The following CUL4A variants were observed in gnomAD, a reference collection of about 807,000 sequenced individuals.
CUL4A encodes cullin-4A.
A neutral mutation model predicts 95.5 loss-of-function variants in CUL4A; 16 were observed. The ratio of observed to expected loss-of-function variants is 0.17; its 90% confidence interval spans 0.11 to 0.25. The LOEUF (loss-of-function observed/expected upper bound fraction) is 0.25, where lower values mean the gene tolerates loss of function less well. Among genes scored for constraint, CUL4A ranks in the 10% least tolerant of loss-of-function variants. CUL4A has a pLI of 1.00. For synonymous variants in CUL4A, 380 were observed against 353.1 expected (o/e 1.08, Z -0.85); for missense variants, 610 against 937.0 (o/e 0.65, Z 4.56).
rs1453392871 is a variant in CUL4A, at chr13:113,265,795, A to G, written c.*2213A>G. 6.6e-6 allele frequency: 1 copy of G among 152,248 alleles called. No individual in the cohort carries two copies. The highest frequency in any genetic ancestry group is 1.5e-5 in the Non-Finnish European group (1 of 68,044). The allele number at this position is 152,248 out of a possible 1,614,324, so 9.4% of individuals were successfully genotyped here. On this transcript the variant is annotated 3_prime_UTR_variant, in exon 20 of 20. Coordinates refer to ENST00000375440, the MANE Select transcript of CUL4A (RefSeq NM_001008895.4). ...AGGTCAGTGTGGTAAAACAAATAGT[A>G]TAGAAGAAATCATTGAAAAAGAAAC...
In CUL4A at chr13:113,243,155, T is replaced by G; in HGVS notation, c.1223T>G (p.Leu408Arg). Reference sequence around the variant, plus strand: ...AAGAGACCCAACAAGCCTGCAGAACTGATCGGTAGAAAAATATTTGTTTTT... The same window carrying G: ...AAGAGACCCAACAAGCCTGCAGAACGGATCGGTAGAAAAATATTTGTTTTT... ...INKRPNKPAE[L>R]IAKHVDSKLR... Residue 408 changes from leucine (L) to arginine (R), a missense_variant, in exon 11 of 20, where the codon CTG (leucine) becomes CGG (arginine). Transcript: ENST00000375440. 1 of 1,588,864 alleles carries G rather than the reference T, an allele frequency of 6.3e-7. No homozygotes were observed. The highest frequency in any genetic ancestry group is 8.6e-7 in the Non-Finnish European group (1 of 1,161,928).
At chr13:113,216,498 C>A (rs756862038) in intron 2 of CUL4A, among the ~76,000 whole-genome samples, 1 of 152,188 alleles carries the variant, frequency 6.6e-6, no homozygotes, top group Non-Finnish European at 1.5e-5. Flanking sequence ...GCTGTTGATA[C>A]AAGGAAAGCA....
intron 2 of CUL4A, among the ~76,000 whole-genome samples, chr13:113,218,501 C>T (rs996988419): frequency 6.6e-6 from 1 of 152,128 alleles, no homozygotes. Context: ...GGTTCTCTAG[C>T]CCTGATTTCA....
intron 3 of CUL4A, among the ~76,000 whole-genome samples, chr13:113,222,518 G>A (rs1409881890): frequency 3.3e-5 from 5 of 152,130 alleles, no homozygotes; most frequent in Middle Eastern, 3.4e-3. Flanking sequence ...AGGGTCTGTC[G>A]TGGTCATGTT....
At position 113,264,136 on chromosome 13, in the gene CUL4A, G is replaced by GT. The variant is rs1233895246; in HGVS notation, c.*555dup. The GT allele has an allele frequency of 6.6e-6, 1 of 152,188 alleles. No homozygotes were observed. Among genetic ancestry groups the GT allele is most frequent in the Non-Finnish European group, 1.5e-5 (1 of 68,032 alleles). The allele number at this position is 152,188 out of a possible 1,614,324, so 9.4% of individuals were successfully genotyped here. A position where few individuals can be genotyped will look rare whatever the true frequency, so the allele number is the denominator to read the frequency against. ...AGCCACTGGCCCCTCTCTGTTTCAT[G>GT]TATTTCCAAAAGTTGTAAACTTTGA... On this transcript the variant is annotated 3_prime_UTR_variant, in exon 20 of 20. Transcript: ENST00000375440.
At chr13:113,262,623 T>G (rs996712873) in intron 19 of CUL4A, among the ~76,000 whole-genome samples, 1 of 152,202 alleles carries the variant, frequency 6.6e-6, no homozygotes, top group African/African-American at 2.4e-5. Context: ...CACTCCAGCC[T>G]GGGCGACAAA....
chr13:113,245,908 T>A, intron 14 of CUL4A, 48 bp from the exon 15 acceptor site: 9 of 1,346,350 alleles, frequency 6.7e-6, no homozygotes, highest in Non-Finnish European at 9.4e-6. Flanking sequence ...AGGTTAATTA[T>A]GTTTTATTAC....
chr13:113,209,033 G>C, upstream of CUL4A: 44 of 350,630 alleles, frequency 1.3e-4, no homozygotes, highest in South Asian at 2.4e-4. Flanking sequence ...GGGCGCGCGC[G>C]CCCGAGGAGG....
At chr13:113,232,250 G>GCCACCACCACCTGTCCACCACCATTA (rs2041370222) in intron 5 of CUL4A, among the ~76,000 whole-genome samples, 1 of 1,598 alleles carries the variant, frequency 6.3e-4, no homozygotes, top group African/African-American at 1.1e-3. Flanking sequence ...CACCATTACT[G>GCCACCACCACCTGTCCACCACCATTA]CTGCCACCAC....
At chr13:113,255,786 A>T (rs1295760474) in intron 18 of CUL4A, among the ~76,000 whole-genome samples, 1 of 152,172 alleles carries the variant, frequency 6.6e-6, no homozygotes, top group East Asian at 1.9e-4. Context: ...ATGCATCACA[A>T]CTTATCCCTT....
Position 113,209,746 on chromosome 13 carries a change from C to G in CUL4A, c.119C>G (p.Ser40Cys), listed in dbSNP as rs865984992. Residue 40 changes from serine (S) to cysteine (C), a missense_variant, in exon 1 of 20, where the codon TCC (serine) becomes TGC (cysteine). By Grantham distance (112) the Ser-to-Cys change is moderately radical (BLOSUM62 -1). Transcript: ENST00000375440. ...GCCAAGCCGGGGGGCGCGGGCGGCT[C>G]CAAGAAGCTGGTCATCAAGAACTTC... ...APAKPGGAGG[S>C]KKLVIKNFRD... is the part of the protein sequence containing the mutation. 8.5e-7 allele frequency: 1 copy of G among 1,174,094 alleles called. No individual in the cohort carries two copies. The highest frequency in any genetic ancestry group is 1.1e-6 in the Non-Finnish European group (1 of 950,870). The allele number at this position is 1,174,094 out of a possible 1,614,324, so 72.7% of individuals were successfully genotyped here.
chr13:113,231,241 A>G (rs376003519), intron 5 of CUL4A, among the ~76,000 whole-genome samples: 12 of 152,344 alleles, frequency 7.9e-5, no homozygotes, highest in South Asian at 6.2e-4. Context: ...TGTGTGGGCA[A>G]TGCATGGTGA....
chr13:113,211,418 C>T (rs2040439815), intron 2 of CUL4A, among the ~76,000 whole-genome samples: 2 of 152,198 alleles, frequency 1.3e-5, no homozygotes, highest in African/African-American at 2.4e-5. Context: ...GAGTTTCACT[C>T]TTGTGGCCCA....
chr13:113,266,661 C>T lies in CUL4A; in HGVS notation c.*3079C>T, dbSNP rs956946606. 6.6e-6 allele frequency: 1 copy of T among 152,164 alleles called. No homozygotes were observed. Among genetic ancestry groups the T allele is most frequent in the Non-Finnish European group, 1.5e-5 (1 of 68,028 alleles). The allele number at this position is 152,164 out of a possible 1,614,324, so 9.4% of individuals were successfully genotyped here. On this transcript the variant is annotated 3_prime_UTR_variant, in exon 20 of 20. Coordinates refer to ENST00000375440, the MANE Select transcript of CUL4A (RefSeq NM_001008895.4). ...AAAGTCCACAAATAAGCCAAATACA[C>T]AGGAACTCGGCGTGGCACAAAGGGG...
chr13:113,254,182 AAACT>A (rs1309992481), intron 16 of CUL4A, among the ~76,000 whole-genome samples: 1 of 152,048 alleles, frequency 6.6e-6, no homozygotes, highest in Non-Finnish European at 1.5e-5. Flanking sequence ...ACTGTCACCC[AAACT>A]CTCATGTGCC....
intron 18 of CUL4A, among the ~76,000 whole-genome samples, chr13:113,255,544 C>A (rs1259914405): frequency 6.6e-6 from 1 of 152,064 alleles, no homozygotes; most frequent in Non-Finnish European, 1.5e-5. Flanking sequence ...CCTAAAAATT[C>A]TCTTATGTTC....
chr13:113,265,115 A>G lies in CUL4A; in HGVS notation c.*1533A>G, dbSNP rs2042376134. The stretch of plus-strand genomic sequence containing the variant: ...TAACTCTTTAGCAGCTTTGACTACT[A>G]GTGCACTAGACAGAAGTCAGAGCAG... On this transcript the variant is annotated 3_prime_UTR_variant, in exon 20 of 20. Transcript: ENST00000375440. The G allele has an allele frequency of 6.6e-6, 1 of 152,378 alleles. No individual in the cohort carries two copies. Among genetic ancestry groups the G allele is most frequent in the South Asian group, 2.1e-4 (1 of 4,832 alleles). 9.4% of individuals were successfully genotyped at this position (152,378 alleles called of 1,614,324 possible).
At chr13:113,259,928 A>G (rs989500154) in intron 18 of CUL4A, among the ~76,000 whole-genome samples, 13 of 151,942 alleles carry the variant, frequency 8.6e-5, no homozygotes, top group Non-Finnish European at 1.9e-4. Flanking sequence ...ATTTCCGGCC[A>G]GGCACGGTGG....
In CUL4A at chr13:113,211,293, T is replaced by C. The variant is rs150421118; in HGVS notation, c.264+1205T>C. 2.6e-5 allele frequency among the ~76,000 whole-genome samples: 4 copies of C among 152,396 alleles called. No homozygotes were observed. In the East Asian group the frequency reaches 7.7e-4, roughly 29 times the overall value. ...GAGATTCATGCACAACGCAGTGTGA[T>C]TGTAATTTATTACCTAGTAGAATGG... On this transcript the variant is annotated intron_variant, in intron 2 of 19. Transcript: ENST00000375440.
Sources: allele counts gnomAD v4.1 joint callset (sites outside exome capture counted in the v4.1 genomes callset), GRCh38; gene constraint gnomAD v4.1.1; transcripts MANE v1.5; gene names NCBI Gene and HGNC (gene_info 2026-07-23, HGNC 2026-07-21).